The following NTN1 variants were observed in gnomAD, a reference collection of about 807,000 sequenced individuals.
The protein encoded by NTN1 is netrin 1.
A neutral mutation model predicts 54.2 loss-of-function variants in NTN1; 11 were observed. The observed-to-expected ratio is 0.20, with a 90% CI of 0.13 to 0.34. The LOEUF is 0.34. Among genes scored for constraint, NTN1 ranks in the 10% least tolerant of loss-of-function variants. The pLI is 1.00. For missense variants in NTN1, 740 were observed against 893.1 expected (o/e 0.83, Z 2.18); for synonymous variants, 371 against 382.0 (o/e 0.97, Z 0.33).
At chr17:9,030,293 C>T (rs529672281) in intron 2 of NTN1, among the ~76,000 whole-genome samples, 7 of 152,306 alleles carry the variant, frequency 4.6e-5, no homozygotes, top group Non-Finnish European at 8.8e-5. Context: ...TCAGGAGTAC[C>T]GCCAAGGAAT....
At chr17:9,008,214 G>A in the NTN1 span, among the ~76,000 whole-genome samples, 1 of 151,988 alleles carries the variant, frequency 6.6e-6, no homozygotes, top group Non-Finnish European at 1.5e-5. Flanking sequence ...TCACTGTCCT[G>A]TACATGATCT....
chr17:9,115,816 G>T (rs972657528), intron 2 of NTN1, among the ~76,000 whole-genome samples: 1 of 152,242 alleles, frequency 6.6e-6, no homozygotes, highest in African/African-American at 2.4e-5. Flanking sequence ...CCGGCCGTGC[G>T]CGGTGGAGGA....
At chr17:9,209,645 C>G (rs1027451818) in intron 5 of NTN1, among the ~76,000 whole-genome samples, 1 of 152,164 alleles carries the variant, frequency 6.6e-6, no homozygotes, top group Non-Finnish European at 1.5e-5. Flanking sequence ...CCCTGGGCAG[C>G]ACTTGGTGGG....
intron 2 of NTN1, among the ~76,000 whole-genome samples, chr17:9,087,185 T>C (rs1218755329): frequency 6.6e-6 from 1 of 152,150 alleles, no homozygotes; most frequent in African/African-American, 2.4e-5. Context: ...GGAACCTTAG[T>C]TTGCCAACCA....
At chr17:9,109,718 T>C (rs2092183510) in intron 2 of NTN1, among the ~76,000 whole-genome samples, 1 of 152,252 alleles carries the variant, frequency 6.6e-6, no homozygotes, top group Non-Finnish European at 1.5e-5. Context: ...TTGCAGCAAT[T>C]CCCACCAGCT....
Position 9,242,581 on chromosome 17 carries a change from T to C in NTN1, c.*2613T>C, listed in dbSNP as rs1222066688. ...TGGCGACACGCCAAGCAACAAGGCA[T>C]CTTGCGGAAAATTCAGCCAGTGTCC... is the stretch of plus-strand genomic sequence containing the variant. On this transcript the variant is annotated 3_prime_UTR_variant, in exon 7 of 7. Transcript: ENST00000173229. 2 of 152,284 alleles carry C rather than the reference T, an allele frequency of 1.3e-5. No individual in the cohort carries two copies. The highest frequency in any genetic ancestry group is 4.8e-5 in the African/African-American group (2 of 41,466). 9.4% of individuals were successfully genotyped at this position (152,284 alleles called of 1,614,324 possible).
chr17:9,089,616 A>G (rs2092102600), intron 2 of NTN1, among the ~76,000 whole-genome samples: 2 of 151,958 alleles, frequency 1.3e-5, no homozygotes, highest in Non-Finnish European at 2.9e-5. Context: ...CTAAATGTTC[A>G]TTGTCCCTTC....
intron 2 of NTN1, among the ~76,000 whole-genome samples, chr17:9,058,637 CAAAAAAAAAAAAAAA>C (rs3053457): frequency 8.5e-5 from 5 of 58,908 alleles, no homozygotes; most frequent in Admixed American, 2.9e-4. Context: ...GGTAGGCACT[CAAAAAAAAAAAAAAA>C]AAAAAAAAAA....
At chr17:9,168,786 A>G (rs554721928) in intron 3 of NTN1, among the ~76,000 whole-genome samples, 2 of 152,296 alleles carry the variant, frequency 1.3e-5, no homozygotes, top group South Asian at 4.1e-4. Context: ...CACCCTTTGA[A>G]TATGTGGGTC....
intron 2 of NTN1, among the ~76,000 whole-genome samples, chr17:9,039,688 T>G (rs2091915378): frequency 6.6e-6 from 1 of 152,240 alleles, no homozygotes; most frequent in African/African-American, 2.4e-5. Context: ...TGGTGCCTTC[T>G]GTCATTGTAT....
chr17:9,180,685 G>T (rs2092416321), intron 4 of NTN1, among the ~76,000 whole-genome samples: 1 of 152,182 alleles, frequency 6.6e-6, no homozygotes, highest in Non-Finnish European at 1.5e-5. Context: ...CAGGGCCTTC[G>T]AGAGGAGCTG....
At chr17:9,151,195 T>C (rs2092326938) in intron 2 of NTN1, among the ~76,000 whole-genome samples, 2 of 152,140 alleles carry the variant, frequency 1.3e-5, no homozygotes. Context: ...CCCTTTTGTC[T>C]GACATCTTGA....
At chr17:9,149,303 C>T (rs903508838) in intron 2 of NTN1, among the ~76,000 whole-genome samples, 7 of 148,680 alleles carry the variant, frequency 4.7e-5, no homozygotes, top group African/African-American at 1.7e-4. Context: ...GAGCTGCTAA[C>T]CAGACATCTG....
chr17:9,055,057 A>G (rs1038004687), intron 2 of NTN1, among the ~76,000 whole-genome samples: 5 of 152,188 alleles, frequency 3.3e-5, no homozygotes, highest in Non-Finnish European at 7.3e-5. Context: ...GCGCCTCAGT[A>G]GAGGCTGGAC....
chr17:9,148,878 G>T (rs938422627), intron 2 of NTN1, among the ~76,000 whole-genome samples: 15 of 152,098 alleles, frequency 9.9e-5, no homozygotes, highest in African/African-American at 2.7e-4. Context: ...CCAAGTCAAA[G>T]TTAACTAAAG....
At chr17:9,114,166 A>AAAAATATATATATATATATATATATATAT (rs1555569108) in intron 2 of NTN1, among the ~76,000 whole-genome samples, 1 of 74,622 alleles carries the variant, frequency 1.3e-5, no homozygotes, top group Non-Finnish European at 2.5e-5. Context: ...AAAAAAAAAA[A>AAAAATATATATATATATATATATATATAT]ATATATATAT....
chr17:9,174,857 G>A (rs2092395923), intron 3 of NTN1: 1 of 153,148 alleles, frequency 6.5e-6, no homozygotes, highest in South Asian at 2.1e-4. Flanking sequence ...CAGAGGCCTG[G>A]GTGGTGGCTG....
intron 2 of NTN1, among the ~76,000 whole-genome samples, chr17:9,114,588 A>G (rs1191171404): frequency 2.0e-5 from 3 of 152,038 alleles, no homozygotes; most frequent in Admixed American, 6.6e-5. Flanking sequence ...CCCTGTCTCT[A>G]CTAAAAATAC....
At chr17:9,043,832 G>A (rs372641285) in intron 2 of NTN1, among the ~76,000 whole-genome samples, 18 of 151,820 alleles carry the variant, frequency 1.2e-4, no homozygotes, top group African/African-American at 3.6e-4. Context: ...CACCCGCCTC[G>A]GCTTCTGAAA....
Sources: allele counts gnomAD v4.1 joint callset (sites outside exome capture counted in the v4.1 genomes callset), GRCh38; gene constraint gnomAD v4.1.1; transcripts MANE v1.5; gene names NCBI Gene and HGNC (gene_info 2026-07-23, HGNC 2026-07-21).